Variants in ATP8A1 observed in about 807,000 individuals in gnomAD.
ATP8A1 encodes the protein phospholipid-transporting ATPase IA.
Under a neutral mutation model 177.7 loss-of-function variants are expected in ATP8A1, and 90 were observed. The ratio of observed to expected loss-of-function variants is 0.51; its 90% CI spans 0.43 to 0.60. The LOEUF is 0.60. Ranked by LOEUF, ATP8A1 falls within the 20% of genes least tolerant of loss-of-function variation. The probability of loss-of-function intolerance (pLI) is 0.00; values close to 1 mark genes in which losing one functional copy is unlikely to be tolerated. For missense variants in ATP8A1, 1,072 were observed against 1,392.8 expected, an observed-to-expected ratio of 0.77 and a Z score of 3.67; for synonymous variants, 493 against 485.9, an observed-to-expected ratio of 1.01 and a Z score of -0.19.
intron 6 of ATP8A1, among the ~76,000 whole-genome samples, chr4:42,595,834 G>T (rs1034818158): frequency 3.3e-5 from 5 of 152,184 alleles, no homozygotes; most frequent in Non-Finnish European, 7.3e-5. Flanking sequence ...TGATTGTGCT[G>T]CTTTCCAACA....
chr4:42,524,741 T>C (rs752451356), intron 21 of ATP8A1, 22 bp downstream of exon 21: 32 of 1,516,038 alleles, frequency 2.1e-5, no homozygotes, highest in Non-Finnish European at 2.9e-5. Flanking sequence ...TTAATCATGC[T>C]TTATTGCCAA....
chr4:42,583,198 C>G (rs1209860650), intron 9 of ATP8A1, among the ~76,000 whole-genome samples: 1 of 152,040 alleles, frequency 6.6e-6, no homozygotes, highest in East Asian at 1.9e-4. Flanking sequence ...CAGGTAAAAT[C>G]AATCCCGATG....
chr4:42,597,247 C>T (rs1292627672), intron 6 of ATP8A1, among the ~76,000 whole-genome samples: 1 of 152,122 alleles, frequency 6.6e-6, no homozygotes, highest in South Asian at 2.1e-4. Flanking sequence ...GGCATGTAGA[C>T]GACACTCTTG....
intron 14 of ATP8A1, among the ~76,000 whole-genome samples, chr4:42,573,556 C>T (rs899908923): frequency 1.3e-5 from 2 of 152,196 alleles, no homozygotes; most frequent in South Asian, 2.1e-4. Flanking sequence ...AATCAACAGG[C>T]TGTCTTTACA....
intron 1 of ATP8A1, among the ~76,000 whole-genome samples, chr4:42,652,690 C>T (rs772292753): frequency 2.0e-5 from 3 of 152,056 alleles, no homozygotes; most frequent in African/African-American, 7.2e-5. Context: ...AGGTCTTTCC[C>T]GTGCTGTTCT....
chr4:42,645,245 A>C (rs1740414966), intron 1 of ATP8A1, among the ~76,000 whole-genome samples: 1 of 152,232 alleles, frequency 6.6e-6, no homozygotes, highest in South Asian at 2.1e-4. Context: ...GAGAGGGGAA[A>C]TTAAGAGGAG....
At chr4:42,628,699 A>G (rs1301003752) in intron 1 of ATP8A1, among the ~76,000 whole-genome samples, 1 of 152,094 alleles carries the variant, frequency 6.6e-6, no homozygotes, top group African/African-American at 2.4e-5. Flanking sequence ...AATTTCACAC[A>G]TGGGTTATTG....
intron 5 of ATP8A1, among the ~76,000 whole-genome samples, chr4:42,603,642 A>G (rs190436823): frequency 1.4e-3 from 219 of 152,272 alleles, no homozygotes; most frequent in African/African-American, 5.0e-3. Context: ...TTTTACTACT[A>G]AAAACTTCCT....
chr4:42,505,115 T>C (rs1724239479), intron 23 of ATP8A1, among the ~76,000 whole-genome samples: 1 of 152,242 alleles, frequency 6.6e-6, no homozygotes, highest in Non-Finnish European at 1.5e-5. Flanking sequence ...TATGTGCTTT[T>C]CTAATTTACT....
intron 18 of ATP8A1, 37 bp from the exon 19 acceptor site, chr4:42,549,099 G>T: frequency 3.9e-6 from 6 of 1,520,448 alleles, no homozygotes; most frequent in Non-Finnish European, 5.4e-6. Flanking sequence ...CATACAGTTG[G>T]AAAAGTCTTA....
intron 7 of ATP8A1, among the ~76,000 whole-genome samples, chr4:42,590,217 C>G (rs751254839): frequency 2.6e-5 from 4 of 152,290 alleles, no homozygotes; most frequent in South Asian, 4.1e-4. Flanking sequence ...ATCACAGTAA[C>G]GTGCACTTTG....
At chr4:42,437,433 C>G (rs1265419574) in intron 33 of ATP8A1, among the ~76,000 whole-genome samples, 2 of 152,014 alleles carry the variant, frequency 1.3e-5, no homozygotes, top group African/African-American at 4.8e-5. Flanking sequence ...CAAGTCAGGT[C>G]TGAAAAAAAG....
At chr4:42,557,207 G>C (rs558829274) in intron 15 of ATP8A1, among the ~76,000 whole-genome samples, 1 of 152,178 alleles carries the variant, frequency 6.6e-6, no homozygotes, top group South Asian at 2.1e-4. Context: ...TAGTAGTTTA[G>C]AATGATCAAA....
intron 22 of ATP8A1, among the ~76,000 whole-genome samples, chr4:42,518,821 A>T (rs1725827101): frequency 6.6e-6 from 1 of 152,194 alleles, no homozygotes; most frequent in African/African-American, 2.4e-5. Flanking sequence ...TATTTGCTCA[A>T]TTTAAAGCCA....
chr4:42,514,865 A>G (rs1050497920), intron 22 of ATP8A1, among the ~76,000 whole-genome samples: 40 of 152,336 alleles, frequency 2.6e-4, no homozygotes, highest in African/African-American at 9.4e-4. Context: ...CGTAGATTTA[A>G]TAAGGATGTT....
At chr4:42,524,740 C>T in intron 21 of ATP8A1, 23 bp downstream of exon 21, 4 of 1,500,346 alleles carry the variant, frequency 2.7e-6, no homozygotes, top group Non-Finnish European at 3.7e-6. Context: ...TTTAATCATG[C>T]TTTATTGCCA....
intron 5 of ATP8A1, among the ~76,000 whole-genome samples, chr4:42,600,820 A>T (rs1735171948): frequency 6.6e-6 from 1 of 152,150 alleles, no homozygotes; most frequent in South Asian, 2.1e-4. Flanking sequence ...CACAAAAATG[A>T]TGTGAAAAAG....
chr4:42,555,374 T>C (rs999627731), intron 16 of ATP8A1, among the ~76,000 whole-genome samples: 2 of 152,056 alleles, frequency 1.3e-5, no homozygotes, highest in Admixed American at 6.5e-5. Context: ...TTGTTAATAT[T>C]GAATTGTATC....
intron 9 of ATP8A1, among the ~76,000 whole-genome samples, chr4:42,585,889 C>T (rs1485947478): frequency 1.3e-5 from 2 of 152,070 alleles, no homozygotes; most frequent in Non-Finnish European, 2.9e-5. Context: ...TTTGAAATTT[C>T]ATGGAGGAGA....
Sources: allele counts gnomAD v4.1 joint callset (sites outside exome capture counted in the v4.1 genomes callset), GRCh38; gene constraint gnomAD v4.1.1; transcripts MANE v1.5; gene names NCBI Gene and HGNC (gene_info 2026-07-23, HGNC 2026-07-21).